The following RGS7 variants were observed in gnomAD, a reference collection of about 807,000 sequenced individuals.
The protein encoded by RGS7 is regulator of G-protein signaling 7.
RGS7 carries 27 observed loss-of-function variants against 81.1 expected under a neutral mutation model. That is an observed-to-expected ratio of 0.33 (90% CI 0.25 to 0.46). The LOEUF (loss-of-function observed/expected upper bound fraction) is 0.46, where lower values mean the gene tolerates loss of function less well. Ranked by LOEUF, RGS7 falls within the 20% of genes least tolerant of loss-of-function variation. The pLI is 1.00. For missense variants in RGS7, 396 were observed against 607.4 expected, an observed-to-expected ratio of 0.65 and a Z score of 3.66; for synonymous variants, 208 against 207.7, an observed-to-expected ratio of 1.00 and a Z score of -0.01.
At chr1:241,323,916 C>T (rs1480977415) in intron 2 of RGS7, among the ~76,000 whole-genome samples, 1 of 152,170 alleles carries the variant, frequency 6.6e-6, no homozygotes, top group Non-Finnish European at 1.5e-5. Flanking sequence ...TTTAAAAGCC[C>T]AGTCTGCCTG....
chr1:241,292,981 T>C (rs576564983), intron 2 of RGS7, among the ~76,000 whole-genome samples: 1 of 152,354 alleles, frequency 6.6e-6, no homozygotes, highest in Admixed American at 6.5e-5. Context: ...AGAAAATTTG[T>C]AGAATGTAAT....
At chr1:240,896,372 G>T (rs1185955536) in intron 6 of RGS7, among the ~76,000 whole-genome samples, 1 of 152,174 alleles carries the variant, frequency 6.6e-6, no homozygotes, top group East Asian at 1.9e-4. Flanking sequence ...CCTATGTCCT[G>T]AATGGTATTG....
intron 2 of RGS7, among the ~76,000 whole-genome samples, chr1:241,232,377 T>C (rs2075714725): frequency 6.6e-6 from 1 of 151,900 alleles, no homozygotes; most frequent in Non-Finnish European, 1.5e-5. Flanking sequence ...TAAATACATA[T>C]ATTTTTTTTT....
At chr1:240,917,234 C>T (rs962830293) in intron 6 of RGS7, among the ~76,000 whole-genome samples, 1 of 152,016 alleles carries the variant, frequency 6.6e-6, no homozygotes, top group African/African-American at 2.4e-5. Flanking sequence ...GACAAAAGAC[C>T]TGCCTTGAAA....
intron 4 of RGS7, among the ~76,000 whole-genome samples, chr1:240,955,368 C>T (rs986088844): frequency 9.2e-5 from 14 of 151,874 alleles, no homozygotes; most frequent in African/African-American, 3.1e-4. Flanking sequence ...CTGGTTAACA[C>T]GGTGAAACCC....
intron 9 of RGS7, among the ~76,000 whole-genome samples, chr1:240,837,367 C>A (rs1409164524): frequency 6.6e-6 from 1 of 152,120 alleles, no homozygotes; most frequent in African/African-American, 2.4e-5. Flanking sequence ...CAAAGAGTTT[C>A]AATTGGATGA....
At chr1:241,167,241 G>C (rs934379530) in intron 2 of RGS7, among the ~76,000 whole-genome samples, 1 of 152,168 alleles carries the variant, frequency 6.6e-6, no homozygotes, top group Non-Finnish European at 1.5e-5. Flanking sequence ...TGTTATGTGT[G>C]GGGTGAAGAA....
At chr1:241,287,588 A>G (rs1299559086) in intron 2 of RGS7, among the ~76,000 whole-genome samples, 1 of 152,168 alleles carries the variant, frequency 6.6e-6, no homozygotes, top group Non-Finnish European at 1.5e-5. Context: ...GCAGTGTGAA[A>G]ACAGACTAAC....
chr1:241,343,941 C>T (rs1558341232), intron 2 of RGS7, among the ~76,000 whole-genome samples: 1 of 151,988 alleles, frequency 6.6e-6, no homozygotes, highest in Admixed American at 6.6e-5. Flanking sequence ...AATTAAAGCA[C>T]GTTGAGTAAG....
chr1:240,964,366 C>T (rs1681954047), intron 4 of RGS7, among the ~76,000 whole-genome samples: 1 of 152,112 alleles, frequency 6.6e-6, no homozygotes, highest in South Asian at 2.1e-4. Context: ...GGAACCATGA[C>T]ATCTTGGTAG....
intron 3 of RGS7, among the ~76,000 whole-genome samples, chr1:241,014,234 T>C (rs1331042303): frequency 2.0e-5 from 3 of 152,200 alleles, no homozygotes; most frequent in East Asian, 1.9e-4. Context: ...AGTCTTGAAA[T>C]GCAAAGACTA....
chr1:241,115,768 A>T (rs2065848852), intron 2 of RGS7, among the ~76,000 whole-genome samples: 1 of 152,200 alleles, frequency 6.6e-6, no homozygotes, highest in Non-Finnish European at 1.5e-5. Flanking sequence ...TGACCTATGT[A>T]GGAAATCTGT....
chr1:240,916,817 A>C (rs1360727480), intron 6 of RGS7, among the ~76,000 whole-genome samples: 1 of 152,164 alleles, frequency 6.6e-6, no homozygotes, highest in Non-Finnish European at 1.5e-5. Context: ...GAGATAATAA[A>C]TTTCTATTGT....
At chr1:240,959,728 T>A (rs1681040566) in intron 4 of RGS7, among the ~76,000 whole-genome samples, 1 of 152,216 alleles carries the variant, frequency 6.6e-6, no homozygotes, top group Admixed American at 6.5e-5. Flanking sequence ...AAATTGCAAA[T>A]ACATAAGATG....
chr1:240,978,176 T>A (rs1684424384), intron 4 of RGS7, among the ~76,000 whole-genome samples: 1 of 152,204 alleles, frequency 6.6e-6, no homozygotes, highest in Non-Finnish European at 1.5e-5. Context: ...GGAGAATCCA[T>A]CCACCCTGTC....
chr1:241,250,572 G>C (rs1412728200), intron 2 of RGS7, among the ~76,000 whole-genome samples: 2 of 152,076 alleles, frequency 1.3e-5, no homozygotes, highest in Admixed American at 1.3e-4. Context: ...AATAGCACAG[G>C]CCATGCCTTT....
At chr1:240,962,770 G>T (rs1472545390) in intron 4 of RGS7, among the ~76,000 whole-genome samples, 1 of 152,104 alleles carries the variant, frequency 6.6e-6, no homozygotes, top group Non-Finnish European at 1.5e-5. Flanking sequence ...TCCAAGCAAA[G>T]AAAGCAGCAT....
chr1:241,316,577 G>A (rs1336158101), intron 2 of RGS7, among the ~76,000 whole-genome samples: 1 of 152,188 alleles, frequency 6.6e-6, no homozygotes, highest in African/African-American at 2.4e-5. Context: ...CCAAACATGT[G>A]GTGAGGCATT....
At chr1:241,107,730 A>G (rs190896825) in intron 2 of RGS7, among the ~76,000 whole-genome samples, 310 of 152,256 alleles carry the variant, frequency 2.0e-3, no homozygotes, top group Non-Finnish European at 3.1e-3. Context: ...TATTTTCTGA[A>G]TCTCATTATT....
Sources: allele counts gnomAD v4.1 joint callset (sites outside exome capture counted in the v4.1 genomes callset), GRCh38; gene constraint gnomAD v4.1.1; transcripts MANE v1.5; gene names NCBI Gene and HGNC (gene_info 2026-07-23, HGNC 2026-07-21).